The following CHID1 variants were observed in gnomAD, a reference collection of about 807,000 sequenced individuals.
The protein encoded by CHID1 is chitinase domain containing 1, also known as chitinase domain-containing protein 1.
In CHID1, 44 loss-of-function variants were observed where a neutral mutation model predicts 55.4. The ratio of observed to expected loss-of-function variants is 0.79; its 90% CI spans 0.62 to 1.02. The LOEUF is 1.02. Among genes scored for constraint, CHID1 ranks in the 50% least tolerant of loss-of-function variants. CHID1 has a pLI of 0.00. For synonymous variants in CHID1, 216 were observed against 212.9 expected (o/e 1.01, Z -0.13); for missense variants, 491 against 515.3 (o/e 0.95, Z 0.46).
upstream of CHID1, among the ~76,000 whole-genome samples, chr11:914,064 T>C (rs1278866513): frequency 6.8e-6 from 1 of 147,016 alleles, no homozygotes; most frequent in East Asian, 2.0e-4. Context: ...CAAGACTCCA[T>C]CTCAAAAAAA....
Position 869,757 on chromosome 11 carries a change from AC to A in CHID1, c.*100del, listed in dbSNP as rs1849035787. The A allele has an allele frequency of 9.6e-7, 1 of 1,043,982 alleles. No individual in the cohort carries two copies. The allele number at this position is 1,043,982 out of a possible 1,614,324, so 64.7% of individuals were successfully genotyped here. A position where few individuals can be genotyped will look rare whatever the true frequency, so the allele number is the denominator to read the frequency against. On this transcript the variant is annotated 3_prime_UTR_variant, in exon 13 of 13. Transcript: ENST00000323578. ...GACCCCCGACTGAGGACTGCAGCAG[AC>A]CCGTCACAGCAAACGGAGTGGAGGC...
upstream of CHID1, chr11:910,852 C>G: frequency 9.2e-7 from 1 of 1,086,580 alleles, no homozygotes; most frequent in Non-Finnish European, 1.1e-6. Context: ...CCGCCCCAGG[C>G]GCCCGCGCGC....
At position 902,899 on chromosome 11, in the gene CHID1, G is replaced by A. The variant is rs371818853; in HGVS notation, c.261+63C>T. On this transcript the variant is annotated intron_variant, in intron 3 of 12. Transcript: ENST00000323578. ...CTGACTGGCCAGAAGAGGCCATCAC[G>A]GGGCCAGGGCAGCCCACCTGAGCCT... 6.4e-4 allele frequency: 969 copies of A among 1,523,554 alleles called. 3 individuals are homozygous for A. The African/African-American group carries it at 8.0e-3, about 13-fold the overall frequency. The allele number at this position is 1,523,554 out of a possible 1,614,324, so 94.4% of individuals were successfully genotyped here. A position where few individuals can be genotyped will look rare whatever the true frequency, so the allele number is the denominator to read the frequency against.
intron 7 of CHID1, among the ~76,000 whole-genome samples, chr11:894,274 G>A (rs1354339376): frequency 1.3e-5 from 2 of 152,184 alleles, no homozygotes; most frequent in African/African-American, 2.4e-5. Flanking sequence ...AGGGCACCGG[G>A]CAGGGCAGGA....
rs141141374 is a variant in CHID1 at position 885,337 on chromosome 11, C to T, written c.702-1168G>A. Among the ~76,000 whole-genome samples the T allele has an allele frequency of 1.3e-3, 196 of 152,294 alleles. 1 individual carries two copies. Among genetic ancestry groups the T allele is most frequent in the African/African-American group, 4.5e-3 (186 of 41,568 alleles). On this transcript the variant is annotated intron_variant, in intron 8 of 12. Coordinates refer to ENST00000323578, the MANE Select transcript of CHID1 (RefSeq NM_023947.4). ...CCAGATGTGCAGTTTTATCCCAGCC[C>T]CTGCCTTGAGTCTACCAGGACCAAG...
chr11:893,870 G>A (rs1454016697), intron 7 of CHID1, among the ~76,000 whole-genome samples: 44 of 151,432 alleles, frequency 2.9e-4, no homozygotes, highest in African/African-American at 1.0e-3. Flanking sequence ...GGTGGCTCAC[G>A]CCGGTAATCC....
intron 1 of CHID1, among the ~76,000 whole-genome samples, chr11:907,213 G>A (rs1341362629): frequency 1.3e-5 from 2 of 152,188 alleles, no homozygotes; most frequent in African/African-American, 4.8e-5. Flanking sequence ...CGGGCGCGGT[G>A]GCTCACGCCT....
At chr11:883,521 T>C (rs1445131978) in intron 9 of CHID1, among the ~76,000 whole-genome samples, 1 of 151,946 alleles carries the variant, frequency 6.6e-6, no homozygotes, top group East Asian at 1.9e-4. Flanking sequence ...CAGAAAGGGC[T>C]GTCAGCAGAG....
intron 4 of CHID1, among the ~76,000 whole-genome samples, chr11:901,585 TGA>T (rs1268226172): frequency 2.6e-5 from 4 of 152,152 alleles, no homozygotes; most frequent in Non-Finnish European, 4.4e-5. Flanking sequence ...TGAAAATCGC[TGA>T]GAGAGGGACA....
intron 1 of CHID1, among the ~76,000 whole-genome samples, chr11:905,563 G>A (rs530779043): frequency 8.5e-5 from 13 of 152,090 alleles, no homozygotes; most frequent in Non-Finnish European, 1.5e-4. Context: ...CCAGCTACTC[G>A]GGAGGCTGAG....
At chr11:911,769 C>T (rs1220527167), upstream of CHID1, among the ~76,000 whole-genome samples, 3 of 152,230 alleles carry the variant, frequency 2.0e-5, no homozygotes, top group Admixed American at 1.3e-4. Context: ...GGCACGTCCC[C>T]CACCAGCTGT....
At chr11:908,684 G>C in intron 1 of CHID1, 1 of 893,862 alleles carries the variant, frequency 1.1e-6, no homozygotes, top group Non-Finnish European at 1.3e-6. Context: ...AAAACCAAAC[G>C]GTGGTTCTCC....
At chr11:898,742 A>T (rs1207342268) in intron 7 of CHID1, among the ~76,000 whole-genome samples, 1 of 152,162 alleles carries the variant, frequency 6.6e-6, no homozygotes, top group Non-Finnish European at 1.5e-5. Context: ...GTTCCTGGTC[A>T]TGTGGCCCAC....
chr11:880,630 C>T (rs1849847551), intron 10 of CHID1, among the ~76,000 whole-genome samples: 1 of 152,206 alleles, frequency 6.6e-6, no homozygotes, highest in African/African-American at 2.4e-5. Context: ...CCTCAGGACC[C>T]GCAAATCCAG....
chr11:893,609 G>C (rs1189205591), intron 7 of CHID1, 90 bp from the exon 8 acceptor site: 2 of 1,067,316 alleles, frequency 1.9e-6, no homozygotes, highest in African/African-American at 3.2e-5. Context: ...GGAGGGGTGG[G>C]GCTGGTCCCC....
chr11:895,675 TG>T (rs1398094952), intron 7 of CHID1, among the ~76,000 whole-genome samples: 1 of 152,242 alleles, frequency 6.6e-6, no homozygotes, highest in South Asian at 2.1e-4. Flanking sequence ...AAGCTGCCCC[TG>T]AGCCTCTGTC....
intron 10 of CHID1, among the ~76,000 whole-genome samples, chr11:881,782 G>T (rs967640724): frequency 6.6e-6 from 1 of 150,808 alleles, no homozygotes; most frequent in African/African-American, 2.4e-5. Flanking sequence ...CAGGAGGATC[G>T]CTTGAGCCTA....
intron 10 of CHID1, among the ~76,000 whole-genome samples, chr11:881,287 T>TA: frequency 6.6e-6 from 1 of 151,304 alleles, no homozygotes; most frequent in Admixed American, 6.6e-5. Context: ...TCATAAAAAA[T>TA]AAAAAAAATT....
chr11:877,575 GCT>G, intron 10 of CHID1, among the ~76,000 whole-genome samples: 1 of 152,210 alleles, frequency 6.6e-6, no homozygotes, highest in Non-Finnish European at 1.5e-5. Flanking sequence ...CCTGACCCAG[GCT>G]CTTGTGCAGT....
Sources: allele counts gnomAD v4.1 joint callset (sites outside exome capture counted in the v4.1 genomes callset), GRCh38; gene constraint gnomAD v4.1.1; transcripts MANE v1.5; gene names NCBI Gene and HGNC (gene_info 2026-07-23, HGNC 2026-07-21).